The following DIS3L2 variants were observed in gnomAD, a reference collection of about 807,000 sequenced individuals.
The protein encoded by DIS3L2 is DIS3 like 3'-5' exoribonuclease 2, also known as DIS3-like exonuclease 2.
A neutral mutation model predicts 97.5 loss-of-function variants in DIS3L2; 34 were observed. The ratio of observed to expected loss-of-function variants is 0.35; its 90% confidence interval spans 0.27 to 0.46. The LOEUF (loss-of-function observed/expected upper bound fraction) is 0.46. Ranked by LOEUF, DIS3L2 falls within the 20% of genes least tolerant of loss-of-function variation. DIS3L2 has a pLI of 1.00. For missense variants in DIS3L2, 1,038 were observed against 1,146.0 expected, an observed-to-expected ratio of 0.91 and a Z score of 1.36; for synonymous variants, 435 against 445.2, an observed-to-expected ratio of 0.98 and a Z score of 0.29.
chr2:232,270,860 G>GTCCCTCCCTCTCTCTCTCTC (rs1491319157), intron 13 of DIS3L2, among the ~76,000 whole-genome samples: 1 of 103,818 alleles, frequency 9.6e-6, no homozygotes, highest in East Asian at 3.8e-4. Flanking sequence ...TCTTTTTCTC[G>GTCCCTCCCTCTCTCTCTCTC]TCTCTCTCTC....
At chr2:232,210,479 G>C in intron 10 of DIS3L2, 74 bp downstream of exon 10, 4 of 1,369,500 alleles carry the variant, frequency 2.9e-6, no homozygotes, top group Non-Finnish European at 4.2e-6. Flanking sequence ...TGGCTGCCCT[G>C]TGCTGCCTAG....
At chr2:232,093,003 C>A (rs934091656) in intron 6 of DIS3L2, among the ~76,000 whole-genome samples, 3 of 152,104 alleles carry the variant, frequency 2.0e-5, no homozygotes, top group African/African-American at 7.2e-5. Flanking sequence ...TTTCCCCATT[C>A]AGTTTGATAT....
chr2:232,182,760 A>G (rs1172399906), intron 9 of DIS3L2, among the ~76,000 whole-genome samples: 1 of 152,106 alleles, frequency 6.6e-6, no homozygotes, highest in African/African-American at 2.4e-5. Context: ...TACTGTTTGC[A>G]TGACACCTGC....
intron 11 of DIS3L2, among the ~76,000 whole-genome samples, chr2:232,241,055 G>A (rs553399433): frequency 1.6e-4 from 25 of 152,300 alleles, no homozygotes; most frequent in African/African-American, 5.1e-4. Context: ...TCTGCTGCCC[G>A]GCACTGCCTC....
intron 8 of DIS3L2, among the ~76,000 whole-genome samples, chr2:232,156,782 C>T (rs557945728): frequency 4.7e-4 from 72 of 152,280 alleles, no homozygotes; most frequent in Non-Finnish European, 7.9e-4. Context: ...GAGACTCCCA[C>T]CACATAGAAG....
chr2:232,291,855 C>A (rs1164003949), intron 13 of DIS3L2, among the ~76,000 whole-genome samples: 1 of 152,216 alleles, frequency 6.6e-6, no homozygotes, highest in Non-Finnish European at 1.5e-5. Context: ...GTATTGCGAA[C>A]AAAACAGGGA....
intron 10 of DIS3L2, among the ~76,000 whole-genome samples, chr2:232,212,005 C>G (rs989442287): frequency 6.6e-6 from 1 of 152,022 alleles, no homozygotes; most frequent in Admixed American, 6.6e-5. Context: ...ATTACAAGCA[C>G]GAGCCACTGT....
At chr2:231,972,039 GC>G (rs1447359074) in intron 1 of DIS3L2, among the ~76,000 whole-genome samples, 13 of 151,578 alleles carry the variant, frequency 8.6e-5, no homozygotes, top group Non-Finnish European at 1.6e-4. Context: ...ACAAAAATTA[GC>G]AGGGCGTGGT....
intron 4 of DIS3L2, 150 bp from the exon 5 acceptor site, chr2:232,029,829 A>G: frequency 1.7e-6 from 1 of 579,348 alleles, no homozygotes; most frequent in Non-Finnish European, 3.0e-6. Context: ...ATTTAGTATT[A>G]AAAAGGTATC....
Position 232,334,700 on chromosome 2 carries a change from C to G in DIS3L2, c.2359C>G (p.Leu787Val). ...ILKQAFDVLVLRYGVQKRIYC... is the reference protein window; with the variant it reads ...ILKQAFDVLVVRYGVQKRIYC... ...GAAGCAAGCCTTCGACGTGCTGGTG[C>G]TGCGCTACGGCGTGCAGAAGCGCAT... The change falls in exon 19 of 21, where the codon CTG becomes GTG. Residue 787 changes from leucine (L) to valine (V), a missense_variant. Around this residue, in one of 3 missense-constraint regions of DIS3L2, gnomAD observed 221 missense variants for 246.9 expected, o/e 0.90. Transcript: ENST00000325385. 6.2e-7 allele frequency: 1 copy of G among 1,610,226 alleles called. No homozygotes were observed. Among genetic ancestry groups the G allele is most frequent in the Non-Finnish European group, 8.5e-7 (1 of 1,178,592 alleles).
At chr2:232,168,472 A>G (rs1690889509) in intron 9 of DIS3L2, among the ~76,000 whole-genome samples, 2 of 149,398 alleles carry the variant, frequency 1.3e-5, no homozygotes, top group Non-Finnish European at 3.0e-5. Flanking sequence ...TCTTCAATAT[A>G]TGGACTTTGC....
intron 12 of DIS3L2, among the ~76,000 whole-genome samples, chr2:232,257,504 C>G (rs939240404): frequency 3.0e-4 from 46 of 152,322 alleles, no homozygotes; most frequent in Middle Eastern, 3.4e-3. Context: ...CTCCACCTCC[C>G]TCCCACCCTC....
intron 3 of DIS3L2, among the ~76,000 whole-genome samples, chr2:232,018,621 C>G (rs985992514): frequency 2.0e-5 from 3 of 152,050 alleles, no homozygotes; most frequent in Non-Finnish European, 4.4e-5. Context: ...CTTTTGTTAA[C>G]TTTAGTATTC....
At chr2:232,267,577 C>T (rs1447699535) in intron 13 of DIS3L2, among the ~76,000 whole-genome samples, 5 of 152,056 alleles carry the variant, frequency 3.3e-5, no homozygotes, top group African/African-American at 1.2e-4. Context: ...AAGGGAGCTC[C>T]CATAACAGGG....
chr2:232,080,355 A>T (rs1229841121), intron 5 of DIS3L2, among the ~76,000 whole-genome samples: 1 of 152,188 alleles, frequency 6.6e-6, no homozygotes, highest in Admixed American at 6.5e-5. Context: ...GATGGGAAAG[A>T]TTGAGCTAGG....
intron 9 of DIS3L2, among the ~76,000 whole-genome samples, chr2:232,187,528 C>T (rs1238537212): frequency 6.6e-6 from 1 of 152,048 alleles, no homozygotes; most frequent in Admixed American, 6.5e-5. Flanking sequence ...CTGCAACCTC[C>T]GCCTCCCAGG....
intron 16 of DIS3L2, 150 bp downstream of exon 16, chr2:232,330,926 G>A: frequency 1.2e-6 from 1 of 827,434 alleles, no homozygotes; most frequent in Admixed American, 2.2e-5. Context: ...CTGCCAGAGG[G>A]TGGGAGAGGA....
At chr2:232,241,967 T>C (rs1237497606) in intron 11 of DIS3L2, among the ~76,000 whole-genome samples, 2 of 152,240 alleles carry the variant, frequency 1.3e-5, no homozygotes, top group Non-Finnish European at 2.9e-5. Flanking sequence ...ATTTTATTGG[T>C]ACTGCTTTAT....
intron 5 of DIS3L2, among the ~76,000 whole-genome samples, chr2:232,085,711 C>T (rs551002183): frequency 6.6e-6 from 1 of 152,168 alleles, no homozygotes; most frequent in African/African-American, 2.4e-5. Flanking sequence ...CTCAATAACA[C>T]CTGGTGTATT....
Sources: gnomAD v4.1 joint callset for allele counts (sites outside exome capture counted in the v4.1 genomes callset) on GRCh38, gnomAD v4.1.1 for gene constraint, gnomAD v4.1.1 regional missense constraint, MANE v1.5 for transcripts, NCBI Gene and HGNC (gene_info 2026-07-23, HGNC 2026-07-21) for gene names.